The following PABPC4L variants were observed in gnomAD, a reference collection of about 807,000 sequenced individuals.
The protein encoded by PABPC4L is poly(A) binding protein cytoplasmic 4 like.
For synonymous variants in PABPC4L, 169 were observed against 164.1 expected (o/e 1.03, Z -0.23); for missense variants, 452 against 451.4 (o/e 1.00, Z -0.01).
chr4:134,045,700 G>T, the PABPC4L span, among the ~76,000 whole-genome samples: 3 of 152,008 alleles, frequency 2.0e-5, no homozygotes, highest in Non-Finnish European at 4.4e-5. Context: ...CAATTTTGCC[G>T]GTGCCGTCCT....
chr4:133,990,299 T>A, the PABPC4L span, among the ~76,000 whole-genome samples: 1 of 152,194 alleles, frequency 6.6e-6, no homozygotes, highest in Non-Finnish European at 1.5e-5. Context: ...TATTTCAAAA[T>A]TTTTCATTAT....
At chr4:134,105,258 A>G in the PABPC4L span, among the ~76,000 whole-genome samples, 1 of 151,772 alleles carries the variant, frequency 6.6e-6, no homozygotes, top group Non-Finnish European at 1.5e-5. Flanking sequence ...TACACACTTC[A>G]ATTTAAAAAT....
At chr4:134,016,505 A>G in the PABPC4L span, among the ~76,000 whole-genome samples, 1 of 152,182 alleles carries the variant, frequency 6.6e-6, no homozygotes, top group Non-Finnish European at 1.5e-5. Context: ...CTAAAAAAGC[A>G]GCTACCAGTC....
At chr4:134,061,283 G>T in the PABPC4L span, among the ~76,000 whole-genome samples, 2 of 151,320 alleles carry the variant, frequency 1.3e-5, no homozygotes, top group Admixed American at 1.3e-4. Context: ...CATAAAAACA[G>T]AAAAAATACA....
the PABPC4L span, among the ~76,000 whole-genome samples, chr4:133,970,542 GTTATTT>G: frequency 6.6e-6 from 1 of 152,134 alleles, no homozygotes; most frequent in Admixed American, 6.5e-5. Context: ...AGTTAAAAAT[GTTATTT>G]TTCCCTCTTT....
At chr4:134,094,769 A>G in the PABPC4L span, among the ~76,000 whole-genome samples, 1 of 151,794 alleles carries the variant, frequency 6.6e-6, no homozygotes, top group African/African-American at 2.4e-5. Context: ...TTACCCATAA[A>G]TTAAACTGGC....
At chr4:134,144,456 A>T in the PABPC4L span, among the ~76,000 whole-genome samples, 2 of 151,454 alleles carry the variant, frequency 1.3e-5, no homozygotes, top group African/African-American at 2.4e-5. Context: ...TTTACTTTTA[A>T]TATGTATCTA....
chr4:134,087,472 C>T, the PABPC4L span, among the ~76,000 whole-genome samples: 2 of 152,128 alleles, frequency 1.3e-5, no homozygotes, highest in African/African-American at 4.8e-5. Context: ...AACTTGCACA[C>T]CCAGCCATAG....
At chr4:134,044,317 G>T in the PABPC4L span, among the ~76,000 whole-genome samples, 2 of 152,032 alleles carry the variant, frequency 1.3e-5, no homozygotes, top group Non-Finnish European at 2.9e-5. Context: ...AGGCTGGAGT[G>T]CAGTGGCACC....
At chr4:133,977,666 G>T in the PABPC4L span, among the ~76,000 whole-genome samples, 5 of 151,966 alleles carry the variant, frequency 3.3e-5, no homozygotes, top group African/African-American at 1.2e-4. Flanking sequence ...TATTCTCTTG[G>T]ATACACATAT....
the PABPC4L span, among the ~76,000 whole-genome samples, chr4:133,964,689 C>T: frequency 5.9e-5 from 9 of 151,880 alleles, no homozygotes; most frequent in African/African-American, 1.9e-4. Context: ...ATGTGATATA[C>T]CACATAAACA....
the PABPC4L span, among the ~76,000 whole-genome samples, chr4:133,978,533 T>C: frequency 6.6e-6 from 1 of 151,682 alleles, no homozygotes; most frequent in Admixed American, 6.6e-5. Context: ...GAAGGATAGC[T>C]TGAGCCCGGG....
At chr4:134,050,592 C>T in the PABPC4L span, among the ~76,000 whole-genome samples, 2 of 150,410 alleles carry the variant, frequency 1.3e-5, no homozygotes, top group African/African-American at 4.9e-5. Context: ...GTAAACCCAG[C>T]TACTCGGGAG....
chr4:134,015,238 C>A, the PABPC4L span, among the ~76,000 whole-genome samples: 2 of 152,080 alleles, frequency 1.3e-5, 1 homozygote, highest in Non-Finnish European at 2.9e-5. Context: ...AGCCTATAAA[C>A]TCTCCTTACA....
chr4:134,201,120 G>A lies in PABPC4L; in HGVS notation c.-101C>T, dbSNP rs1385553587. The A allele has an allele frequency of 7.1e-6, 11 of 1,550,444 alleles. No individual in the cohort carries two copies. The highest frequency in any genetic ancestry group is 2.0e-5 in the Admixed American group (1 of 50,988). On this transcript the variant is annotated 5_prime_UTR_variant, in exon 2 of 2. Coordinates refer to ENST00000421491, the MANE Select transcript of PABPC4L (RefSeq NM_001114734.2). ...GCTTTGGCCCGGTTCAAGTGTGGAGGCCTCGGGATCACCACACAAAGGCCA... is the reference window on the plus strand; with the variant it reads ...GCTTTGGCCCGGTTCAAGTGTGGAGACCTCGGGATCACCACACAAAGGCCA...
At chr4:134,027,946 T>C in the PABPC4L span, among the ~76,000 whole-genome samples, 1 of 152,272 alleles carries the variant, frequency 6.6e-6, no homozygotes, top group African/African-American at 2.4e-5. Flanking sequence ...TGAGATATCA[T>C]AATAAATTGT....
chr4:134,040,206 A>G, the PABPC4L span, among the ~76,000 whole-genome samples: 3 of 70,266 alleles, frequency 4.3e-5, no homozygotes, highest in Non-Finnish European at 1.0e-4. Context: ...ACAGAATTGG[A>G]AAAAAAAAAA....
At chr4:133,949,659 G>A in the PABPC4L span, among the ~76,000 whole-genome samples, 3 of 152,014 alleles carry the variant, frequency 2.0e-5, no homozygotes, top group Non-Finnish European at 4.4e-5. Context: ...TCCTGTCTTC[G>A]TGGTCAGGAG....
At chr4:134,002,295 T>C in the PABPC4L span, among the ~76,000 whole-genome samples, 1 of 151,858 alleles carries the variant, frequency 6.6e-6, no homozygotes, top group Non-Finnish European at 1.5e-5. Flanking sequence ...CAAAATATTA[T>C]ATTAAAGTAT....
Sources: gnomAD v4.1 joint callset for allele counts (sites outside exome capture counted in the v4.1 genomes callset) on GRCh38, gnomAD v4.1.1 for gene constraint, MANE v1.5 for transcripts, NCBI Gene and HGNC (gene_info 2026-07-23, HGNC 2026-07-21) for gene names.